The following KDM6A variants were observed in gnomAD, a reference collection of about 807,000 sequenced individuals.
KDM6A encodes the protein lysine-specific demethylase 6A.
KDM6A carries 11 observed loss-of-function variants against 117.6 expected under a neutral mutation model. The observed-to-expected ratio is 0.09, with a 90% CI of 0.06 to 0.15. The LOEUF (loss-of-function observed/expected upper bound fraction) is 0.15, where lower values mean the gene tolerates loss of function less well. KDM6A is among the 10% of genes least tolerant of loss of function. The probability of loss-of-function intolerance (pLI) is 1.00; values close to 1 mark genes in which losing one functional copy is unlikely to be tolerated. For missense variants in KDM6A, 799 were observed against 1,077.3 expected (o/e 0.74, Z 3.62); for synonymous variants, 384 against 396.1 (o/e 0.97, Z 0.36).
At chrX:44,927,766 A>G (rs1569447290) in intron 2 of KDM6A, among the ~76,000 whole-genome samples, 1 of 111,742 alleles carries the variant, frequency 8.9e-6, no homozygotes, top group South Asian at 3.7e-4. Context: ...ACCAAACTAT[A>G]CTGACCTAGG....
chrX:44,917,658 T>C (rs2035645085), intron 2 of KDM6A, among the ~76,000 whole-genome samples: 1 of 111,822 alleles, frequency 8.9e-6, no homozygotes, highest in Non-Finnish European at 1.9e-5. Flanking sequence ...TTATATGAGA[T>C]AGGCAGAAGA....
chrX:44,903,423 A>T (rs1247157092), intron 2 of KDM6A, among the ~76,000 whole-genome samples: 1 of 112,084 alleles, frequency 8.9e-6, no homozygotes, highest in Admixed American at 9.5e-5. Flanking sequence ...GTCTCAGTGT[A>T]GAACTGTGAG....
At chrX:45,033,538 A>G (rs1169172245) in intron 6 of KDM6A, among the ~76,000 whole-genome samples, 2 of 111,418 alleles carry the variant, frequency 1.8e-5, no homozygotes, top group Admixed American at 9.6e-5. Flanking sequence ...CTAATTATGC[A>G]TGCACATCAG....
intron 2 of KDM6A, among the ~76,000 whole-genome samples, chrX:44,912,029 AGG>A: frequency 1.3e-5 from 1 of 74,527 alleles, no homozygotes; most frequent in African/African-American, 5.2e-5. Context: ...AAGGAGGGAG[AGG>A]GAGAGAGGGG....
chrX:44,883,610 G>A (rs1386539428), intron 2 of KDM6A, among the ~76,000 whole-genome samples: 1 of 110,313 alleles, frequency 9.1e-6, no homozygotes, highest in African/African-American at 3.3e-5. Context: ...TTGGCCTCAA[G>A]TGATCCTCCC....
chrX:45,037,667 T>C lies in KDM6A; in HGVS notation c.632T>C (p.Ile211Thr). 1 of 1,205,947 alleles carries C rather than the reference T, an allele frequency of 8.3e-7. No homozygotes were observed. The highest frequency in any genetic ancestry group is 3.0e-5 in the East Asian group (1 of 33,762). ...TLSNAEIQFH[I>T]AHLYETQRKY... ...TCATCCTTTGCAGTTCAATTTCACA[T>C]TGCCCACTTATATGAAACCCAGGTA... Residue 211 changes from isoleucine to threonine, a missense_variant, in exon 8 of 30, where the codon ATT (isoleucine) becomes ACT (threonine). Transcript: ENST00000611820.
At chrX:45,002,989 CTTTTG>C (rs756648462) in intron 4 of KDM6A, among the ~76,000 whole-genome samples, 1 of 108,386 alleles carries the variant, frequency 9.2e-6, no homozygotes, top group Non-Finnish European at 1.9e-5. Flanking sequence ...GCAAACTTTA[CTTTTG>C]TTGAAAACCT....
chrX:44,998,938 T>A (rs1352480222), intron 4 of KDM6A, among the ~76,000 whole-genome samples: 1 of 111,913 alleles, frequency 8.9e-6, no homozygotes, highest in Admixed American at 9.5e-5. Context: ...AGGGATATGT[T>A]CCAAGACCCG....
chrX:44,954,950 CTT>C (rs949889519), intron 2 of KDM6A, among the ~76,000 whole-genome samples: 8 of 110,888 alleles, frequency 7.2e-5, no homozygotes, highest in African/African-American at 2.0e-4. Context: ...TTAGGGAAGA[CTT>C]AGCAGTAATC....
At chrX:45,001,480 T>A (rs1279854126) in intron 4 of KDM6A, among the ~76,000 whole-genome samples, 2 of 111,124 alleles carry the variant, frequency 1.8e-5, no homozygotes, top group Non-Finnish European at 3.8e-5. Flanking sequence ...TATCGAAATC[T>A]TTCTGGATTA....
intron 2 of KDM6A, among the ~76,000 whole-genome samples, chrX:44,905,030 C>T (rs1022609711): frequency 8.9e-6 from 1 of 112,226 alleles, no homozygotes; most frequent in African/African-American, 3.2e-5. Context: ...TCATTTCTTT[C>T]TGAAGGTTTT....
At chrX:44,877,993 G>A (rs931448515) in intron 2 of KDM6A, among the ~76,000 whole-genome samples, 1 of 111,246 alleles carries the variant, frequency 9.0e-6, no homozygotes, top group Non-Finnish European at 1.9e-5. Context: ...CAGTTCTAGA[G>A]GTGGCTTTTT....
intron 3 of KDM6A, among the ~76,000 whole-genome samples, chrX:44,967,557 G>T (rs1436016296): frequency 9.0e-6 from 1 of 111,258 alleles, no homozygotes; most frequent in Non-Finnish European, 1.9e-5. Context: ...TCTTTTCTGT[G>T]TAAAGTTTTC....
chrX:45,042,143 T>C (rs1469327805), intron 8 of KDM6A, among the ~76,000 whole-genome samples: 1 of 107,122 alleles, frequency 9.3e-6, no homozygotes, highest in Non-Finnish European at 1.9e-5. Context: ...TCGCAGGCAC[T>C]CGGCAGGCTG....
intron 4 of KDM6A, among the ~76,000 whole-genome samples, chrX:44,979,409 T>G (rs990274871): frequency 1.8e-5 from 2 of 109,326 alleles, no homozygotes; most frequent in Non-Finnish European, 3.8e-5. Context: ...TCTTCTTCCT[T>G]TCCTTCCTGT....
intron 5 of KDM6A, among the ~76,000 whole-genome samples, chrX:45,017,527 A>G (rs768626282): frequency 1.1e-5 from 1 of 94,938 alleles, no homozygotes; most frequent in Non-Finnish European, 1.9e-5. Flanking sequence ...TTTATTTCTT[A>G]TTTATTTACT....
At chrX:44,951,597 G>A (rs372407770) in intron 2 of KDM6A, among the ~76,000 whole-genome samples, 3 of 111,333 alleles carry the variant, frequency 2.7e-5, no homozygotes, top group South Asian at 3.7e-4. Flanking sequence ...AAAGAGGGGC[G>A]AAAAAATATG....
rs1211313097 is a variant in KDM6A, at chrX:45,008,734, A to T, written c.385-2227A>T. 3.6e-5 allele frequency among the ~76,000 whole-genome samples: 4 copies of T among 111,389 alleles called. No individual in the cohort carries two copies. In the Admixed American group the frequency reaches 3.8e-4, roughly 11 times the overall value. ...GTAAATGCTCAGATTATTTCAGGGG[A>T]TGGGATAGTAGATGAATGATCCTGA... On this transcript the variant is annotated intron_variant, in intron 4 of 29. Coordinates refer to ENST00000611820, the MANE Select transcript of KDM6A (RefSeq NM_001291415.2).
intron 18 of KDM6A, among the ~76,000 whole-genome samples, chrX:45,074,209 C>G (rs1026990173): frequency 4.5e-5 from 5 of 111,255 alleles, no homozygotes; most frequent in African/African-American, 1.3e-4. Context: ...ATTTCTGAGG[C>G]CTCTGTTCTG....
Sources: gnomAD v4.1 joint callset for allele counts (sites outside exome capture counted in the v4.1 genomes callset) on GRCh38, gnomAD v4.1.1 for gene constraint, MANE v1.5 for transcripts, NCBI Gene and HGNC (gene_info 2026-07-23, HGNC 2026-07-21) for gene names.